The following EPB41L3 variants were observed in gnomAD, a reference collection of about 807,000 sequenced individuals.
The protein encoded by EPB41L3 is erythrocyte membrane protein band 4.1 like 3, also known as band 4.1-like protein 3.
EPB41L3 carries 57 observed loss-of-function variants against 127.1 expected under a neutral mutation model. That is an observed-to-expected ratio of 0.45 (90% CI 0.36 to 0.56). EPB41L3 has a LOEUF of 0.56. Ranked by LOEUF, EPB41L3 falls within the 20% of genes least tolerant of loss-of-function variation. The pLI, the probability that EPB41L3 is intolerant of heterozygous loss-of-function variation, is 0.00. For missense variants in EPB41L3, 1,273 were observed against 1,372.2 expected, an observed-to-expected ratio of 0.93 and a Z score of 1.14; for synonymous variants, 572 against 549.5, an observed-to-expected ratio of 1.04 and a Z score of -0.57.
intron 1 of EPB41L3, among the ~76,000 whole-genome samples, chr18:5,615,285 T>C (rs2094780285): frequency 6.6e-6 from 1 of 152,234 alleles, no homozygotes; most frequent in Non-Finnish European, 1.5e-5. Flanking sequence ...AAACTGTGAT[T>C]TCACAGAGGT....
Position 5,478,391 on chromosome 18 carries a change from G to A in EPB41L3, c.231C>T (p.Leu77=), listed in dbSNP as rs753802215. ...TATCGTCTTCTAATTGCTGATATTC[G>A]AGCTGTTTTGCAGCCCTGGCAGCAA... ...QEFAARAAKQ[L]EYQQLEDDKL... The change falls in exon 3 of 23, where the codon CTC becomes CTT. Residue 77 remains leucine, a synonymous_variant. Coordinates refer to ENST00000341928, the MANE Select transcript of EPB41L3 (RefSeq NM_012307.5). 35 of 1,613,914 alleles carry A rather than the reference G, an allele frequency of 2.2e-5. No individual in the cohort carries two copies. The East Asian group carries it at 2.2e-4, about 10-fold the overall frequency.
At chr18:5,554,759 A>C (rs2094010551) in intron 3 of EPB41L3, among the ~76,000 whole-genome samples, 1 of 149,994 alleles carries the variant, frequency 6.7e-6, no homozygotes, top group Non-Finnish European at 1.5e-5. Flanking sequence ...TGAGGACAAA[A>C]GAAAATGTGA....
intron 3 of EPB41L3, among the ~76,000 whole-genome samples, chr18:5,595,051 A>C (rs1436649726): frequency 2.0e-5 from 3 of 152,248 alleles, no homozygotes; most frequent in Non-Finnish European, 2.9e-5. Context: ...AGATCTCTAA[A>C]AATGACCCAG....
chr18:5,436,734 G>A (rs1214282767), intron 6 of EPB41L3, among the ~76,000 whole-genome samples: 2 of 151,900 alleles, frequency 1.3e-5, no homozygotes, highest in African/African-American at 2.4e-5. Context: ...TTCAAATCCA[G>A]GTATATGTGG....
At chr18:5,461,552 C>T (rs957219485) in intron 3 of EPB41L3, among the ~76,000 whole-genome samples, 5 of 152,188 alleles carry the variant, frequency 3.3e-5, no homozygotes, top group African/African-American at 1.2e-4. Flanking sequence ...AAGAAACCTG[C>T]ACCAATCAAA....
intron 3 of EPB41L3, among the ~76,000 whole-genome samples, chr18:5,475,360 A>C (rs1335268532): frequency 3.3e-5 from 5 of 150,778 alleles, no homozygotes; most frequent in Admixed American, 6.7e-5. Context: ...AGAAACTTTA[A>C]GGAAGTTCCT....
At chr18:5,623,133 C>A (rs1221573039) in intron 1 of EPB41L3, among the ~76,000 whole-genome samples, 2 of 151,954 alleles carry the variant, frequency 1.3e-5, no homozygotes, top group Admixed American at 1.3e-4. Flanking sequence ...CCAAGAGAGG[C>A]TTAGTAAGCT....
chr18:5,532,943 G>A (rs1401518560), intron 1 of EPB41L3, among the ~76,000 whole-genome samples: 1 of 151,856 alleles, frequency 6.6e-6, no homozygotes, highest in Non-Finnish European at 1.5e-5. Flanking sequence ...GAGGTATGAT[G>A]GTAAGTCAAT....
rs977919020 is a variant in EPB41L3, at chr18:5,481,756, A to G, written c.184-3318T>C. Among the ~76,000 whole-genome samples, 8 of 152,196 alleles carry G rather than the reference A, an allele frequency of 5.3e-5. 1 individual carries two copies. Among genetic ancestry groups the G allele is most frequent in the Admixed American group, 4.6e-4 (7 of 15,276 alleles). On this transcript the variant is annotated intron_variant, in intron 2 of 22. Transcript: ENST00000341928. ...ACAGATCCCTTGGGCACAAACTCCTAGTCAGCCATCCCACATTGCCAGGAT... is the reference window on the plus strand; with the variant it reads ...ACAGATCCCTTGGGCACAAACTCCTGGTCAGCCATCCCACATTGCCAGGAT...
chr18:5,478,216 G>C, intron 3 of EPB41L3, 25 bp downstream of exon 3: 1 of 1,605,874 alleles, frequency 6.2e-7, no homozygotes, highest in East Asian at 2.2e-5. Flanking sequence ...ATCTAGGACA[G>C]AAAAGTCTTA....
intron 1 of EPB41L3, among the ~76,000 whole-genome samples, chr18:5,533,729 T>C (rs1297589227): frequency 2.0e-5 from 3 of 152,218 alleles, no homozygotes; most frequent in African/African-American, 4.8e-5. Flanking sequence ...CTTAGATTCT[T>C]ACTCAACCAT....
Position 5,393,375 on chromosome 18 carries a change from C to A in EPB41L3, c.*110G>T. The A allele has an allele frequency of 1.6e-6, 1 of 615,038 alleles. No homozygotes were observed. Among genetic ancestry groups the A allele is most frequent in the Non-Finnish European group, 2.9e-6 (1 of 343,024 alleles). The allele number at this position is 615,038 out of a possible 1,614,324, so 38.1% of individuals were successfully genotyped here. On this transcript the variant is annotated 3_prime_UTR_variant, in exon 23 of 23. Transcript: ENST00000341928. Reference sequence around the variant, plus strand: ...TCAATTCTTCTGGACTGAAATTTTCCACGGACAGATACAAGTCAGTTGGGT... The same window carrying A: ...TCAATTCTTCTGGACTGAAATTTTCAACGGACAGATACAAGTCAGTTGGGT...
chr18:5,466,500 T>G (rs969887252), intron 3 of EPB41L3: 4 of 152,236 alleles, frequency 2.6e-5, no homozygotes, highest in Non-Finnish European at 4.4e-5. Flanking sequence ...TATATTTCAT[T>G]CTTCCCTGAA....
At chr18:5,596,910 A>T (rs1445491639) in intron 3 of EPB41L3, among the ~76,000 whole-genome samples, 1 of 152,050 alleles carries the variant, frequency 6.6e-6, no homozygotes, top group African/African-American at 2.4e-5. Flanking sequence ...GCATTTTGAA[A>T]TCTCCTCTCC....
rs202000684 is a variant in EPB41L3 at position 5,395,618 on chromosome 18, G to A, written c.3063C>T (p.His1021=). The A allele has an allele frequency of 2.5e-5, 40 of 1,613,900 alleles. No homozygotes were observed. In the East Asian group the frequency reaches 8.7e-4, roughly 35 times the overall value. The change falls in exon 20 of 23, where the codon CAC becomes CAT. Residue 1021 remains histidine (H), a synonymous_variant. Coordinates refer to ENST00000341928, the MANE Select transcript of EPB41L3 (RefSeq NM_012307.5). ...TTCTCACTCCACTTACTTTGGTGATGTGCGTAGTGGTGGTGGTACTGGTGG... is the reference window on the plus strand; with the variant it reads ...TTCTCACTCCACTTACTTTGGTGATATGCGTAGTGGTGGTGGTACTGGTGG... ...SETTSTTTTT[H]ITKTVKGGIS... is the part of the protein sequence containing the mutation.
intron 3 of EPB41L3, among the ~76,000 whole-genome samples, chr18:5,566,783 T>TTCCATTCCATTCC (rs1568584093): frequency 1.3e-5 from 1 of 77,462 alleles, no homozygotes; most frequent in Non-Finnish European, 3.2e-5. Context: ...TATTCTATTC[T>TTCCATTCCATTCC]ATTCTATTCC....
chr18:5,522,211 C>A (rs1452979177), intron 1 of EPB41L3, among the ~76,000 whole-genome samples: 1 of 152,162 alleles, frequency 6.6e-6, no homozygotes, highest in East Asian at 1.9e-4. Context: ...TCAAGCAATT[C>A]TTCTGCCTCA....
chr18:5,597,032 G>A (rs2094543187), intron 3 of EPB41L3, among the ~76,000 whole-genome samples: 1 of 152,068 alleles, frequency 6.6e-6, no homozygotes, highest in Admixed American at 6.6e-5. Flanking sequence ...AAGCCAGCCT[G>A]GGCAACTTTG....
intron 9 of EPB41L3, 92 bp downstream of exon 9, chr18:5,428,221 A>G (rs931190809): frequency 6.8e-7 from 1 of 1,469,266 alleles, no homozygotes; most frequent in African/African-American, 1.4e-5. Flanking sequence ...TGTGTCCCAC[A>G]ATGCTCAGAA....
Sources: allele counts gnomAD v4.1 joint callset (sites outside exome capture counted in the v4.1 genomes callset), GRCh38; gene constraint gnomAD v4.1.1; transcripts MANE v1.5; gene names NCBI Gene and HGNC (gene_info 2026-07-23, HGNC 2026-07-21).